The following CBLB variants were observed in gnomAD, a reference collection of about 807,000 sequenced individuals.
The protein encoded by CBLB is E3 ubiquitin-protein ligase CBL-B.
In CBLB, 31 loss-of-function variants were observed where a neutral mutation model predicts 104.9. The observed-to-expected ratio is 0.30, with a 90% confidence interval of 0.22 to 0.40. The LOEUF is 0.40. Ranked by LOEUF, CBLB falls within the 10% of genes least tolerant of loss-of-function variation. CBLB has a pLI of 1.00. For synonymous variants in CBLB, 440 were observed against 422.6 expected (o/e 1.04, Z -0.51); for missense variants, 1,062 against 1,214.6 (o/e 0.87, Z 1.87).
At chr3:105,750,721 T>C (rs1038398087) in intron 5 of CBLB, among the ~76,000 whole-genome samples, 10 of 152,202 alleles carry the variant, frequency 6.6e-5, no homozygotes, top group Non-Finnish European at 1.5e-5. Flanking sequence ...CATATAATGC[T>C]ACCTTCTTCT....
At chr3:105,833,674 T>C (rs1016057173) in intron 3 of CBLB, among the ~76,000 whole-genome samples, 8 of 151,956 alleles carry the variant, frequency 5.3e-5, no homozygotes, top group African/African-American at 1.7e-4. Flanking sequence ...TCCTTATAAT[T>C]TGAATAATTT....
chr3:105,696,889 TCTCCCAC>T lies in CBLB; in HGVS notation c.1960-3308_1960-3302del, dbSNP rs1211324019. 2.0e-5 allele frequency among the ~76,000 whole-genome samples: 3 copies of T among 152,044 alleles called. No homozygotes were observed. The East Asian group carries it at 5.8e-4, about 29-fold the overall frequency. ...CTGACTACATTATTACTATACATAT[TCTCCCAC>T]CTCCATGCTATTTCTTTCTGTCATA... On this transcript the variant is annotated intron_variant, in intron 12 of 18. Transcript: ENST00000394030.
intron 13 of CBLB, among the ~76,000 whole-genome samples, chr3:105,686,445 A>C (rs1280819077): frequency 6.0e-5 from 9 of 150,558 alleles, no homozygotes; most frequent in African/African-American, 2.2e-4. Context: ...CAATTTAAAA[A>C]GGAAGGAAAA....
At chr3:105,741,690 T>C (rs1038675360) in intron 6 of CBLB, among the ~76,000 whole-genome samples, 4 of 147,614 alleles carry the variant, frequency 2.7e-5, no homozygotes, top group East Asian at 2.0e-4. Context: ...CCACCGCGCC[T>C]GGCCAATTTT....
intron 3 of CBLB, among the ~76,000 whole-genome samples, chr3:105,832,007 GT>G (rs1183195497): frequency 1.3e-5 from 2 of 151,998 alleles, no homozygotes; most frequent in African/African-American, 4.8e-5. Flanking sequence ...GTAGTTTCAG[GT>G]TGATACAACA....
Position 105,807,761 on chromosome 3 carries a change from T to C in CBLB, c.420-31219A>G, listed in dbSNP as rs186588707. The stretch of plus-strand genomic sequence containing the variant: ...GAGTTTGTGCAAAGGTTATTCGGAA[T>C]AACTTCTTTTGAAGTAGAATCGTAT... On this transcript the variant is annotated intron_variant, in intron 3 of 18. Coordinates refer to ENST00000394030, the MANE Select transcript of CBLB (RefSeq NM_170662.5). Among the ~76,000 whole-genome samples, 87 of 152,322 alleles carry C rather than the reference T, an allele frequency of 5.7e-4. 1 individual carries two copies. The East Asian group carries it at 0.013, about 22-fold the overall frequency.
chr3:105,698,558 C>T (rs1307278508), intron 12 of CBLB, among the ~76,000 whole-genome samples: 2 of 147,474 alleles, frequency 1.4e-5, no homozygotes, highest in East Asian at 2.0e-4. Context: ...GAAGCTTTGC[C>T]GCTTATGAAA....
chr3:105,820,377 CT>C, intron 3 of CBLB, among the ~76,000 whole-genome samples: 1 of 152,196 alleles, frequency 6.6e-6, no homozygotes, highest in East Asian at 1.9e-4. Context: ...TTAAGGACCC[CT>C]GTGTTAGGGT....
At chr3:105,683,084 ATT>A (rs1432211574) in intron 14 of CBLB, among the ~76,000 whole-genome samples, 1 of 152,198 alleles carries the variant, frequency 6.6e-6, no homozygotes, top group African/African-American at 2.4e-5. Context: ...ATTCATTTCT[ATT>A]CTCTCTGGTG....
chr3:105,800,773 G>A (rs778427272), intron 3 of CBLB, among the ~76,000 whole-genome samples: 16 of 152,026 alleles, frequency 1.1e-4, no homozygotes, highest in Non-Finnish European at 1.9e-4. Flanking sequence ...GACTTACTGG[G>A]AAAATACAAT....
intron 9 of CBLB, among the ~76,000 whole-genome samples, chr3:105,726,157 TTTC>T (rs143853657): frequency 0.017 from 2,664 of 152,298 alleles, 70 homozygotes; most frequent in African/African-American, 0.06. Flanking sequence ...CCAAAGATTA[TTTC>T]TTATTGCCTT....
intron 3 of CBLB, among the ~76,000 whole-genome samples, chr3:105,804,155 G>A (rs2083225074): frequency 6.6e-6 from 1 of 152,166 alleles, no homozygotes; most frequent in Non-Finnish European, 1.5e-5. Flanking sequence ...GTGCTACTCT[G>A]CACTTCAAAT....
chr3:105,701,613 A>C (rs2069121266), intron 12 of CBLB, among the ~76,000 whole-genome samples: 1 of 152,130 alleles, frequency 6.6e-6, no homozygotes, highest in African/African-American at 2.4e-5. Context: ...AAATACAAAA[A>C]TTAGCTAGGC....
At chr3:105,703,967 T>A in intron 11 of CBLB, 21 bp downstream of exon 11, 1 of 1,606,480 alleles carries the variant, frequency 6.2e-7, no homozygotes. Flanking sequence ...TTCATCTGTG[T>A]TTCTAATAAA....
Position 105,681,733 on chromosome 3 carries a change from A to G in CBLB, c.2287T>C (p.Tyr763His). 2.5e-6 allele frequency: 4 copies of G among 1,606,448 alleles called. No homozygotes were observed. Among genetic ancestry groups the G allele is most frequent in the Non-Finnish European group, 3.4e-6 (4 of 1,173,062 alleles). ...TATATTCTATACGTACCCTTTAAAT[A>G]TATGCTTAAGTCAGGGATGTTTGAT... ...KKSNIPDLSI[Y>H]LKGDVFDSAS... is the part of the protein sequence containing the mutation. The change falls in exon 15 of 19, where the codon TAT (tyrosine) becomes CAT (histidine). Residue 763 changes from tyrosine to histidine, a missense_variant. Physicochemically the swap from Tyr to His is moderately conservative, Grantham distance 83 (BLOSUM62 2). Transcript: ENST00000394030.
chr3:105,656,514 T>C lies in CBLB; in HGVS notation c.*2456A>G, dbSNP rs1559693483. The stretch of plus-strand genomic sequence containing the variant: ...CATTCCATTACGTATGAATTTTTGA[T>C]TCATTCTTTTTAAATGACAATACTA... On this transcript the variant is annotated 3_prime_UTR_variant, in exon 19 of 19. Transcript: ENST00000394030. 5.2e-6 allele frequency: 1 copy of C among 191,126 alleles called. No individual in the cohort carries two copies. The highest frequency in any genetic ancestry group is 8.3e-5 in the East Asian group (1 of 12,082). 11.8% of individuals were successfully genotyped at this position (191,126 alleles called of 1,614,324 possible).
chr3:105,774,381 T>A (rs1032440351), intron 4 of CBLB, among the ~76,000 whole-genome samples: 3 of 152,040 alleles, frequency 2.0e-5, no homozygotes, highest in African/African-American at 7.2e-5. Context: ...CTAGGAAGAA[T>A]AAAAAAATAC....
intron 4 of CBLB, among the ~76,000 whole-genome samples, chr3:105,753,368 G>T (rs908253928): frequency 8.1e-6 from 1 of 123,706 alleles, no homozygotes; most frequent in African/African-American, 2.9e-5. Flanking sequence ...AAATGCTGCT[G>T]TTTTTTTTAA....
At chr3:105,665,749 G>A (rs887212189) in intron 18 of CBLB, among the ~76,000 whole-genome samples, 1 of 150,404 alleles carries the variant, frequency 6.6e-6, no homozygotes, top group African/African-American at 2.4e-5. Flanking sequence ...ATCTGTATCT[G>A]GCTGGGCGTG....
Sources: gnomAD v4.1 joint callset for allele counts (sites outside exome capture counted in the v4.1 genomes callset) on GRCh38, gnomAD v4.1.1 for gene constraint, MANE v1.5 for transcripts, NCBI Gene and HGNC (gene_info 2026-07-23, HGNC 2026-07-21) for gene names.